The following FHIT variants were observed in gnomAD, a reference collection of about 807,000 sequenced individuals.
FHIT encodes the protein fragile histidine triad diadenosine triphosphatase.
FHIT carries 19 observed loss-of-function variants against 17.9 expected under a neutral mutation model. The observed-to-expected ratio is 1.06, with a 90% CI of 0.74 to 1.56. The LOEUF (loss-of-function observed/expected upper bound fraction) is 1.56, where lower values mean the gene tolerates loss of function less well. Ranked by LOEUF, FHIT falls within the 40% of genes most tolerant of loss-of-function variation. The pLI is 0.00. For synonymous variants in FHIT, 81 were observed against 69.7 expected (o/e 1.16, Z -0.81); for missense variants, 248 against 189.2 (o/e 1.31, Z -1.82).
At chr3:60,138,344 T>C (rs1014436611) in intron 5 of FHIT, among the ~76,000 whole-genome samples, 1 of 152,180 alleles carries the variant, frequency 6.6e-6, no homozygotes. Flanking sequence ...TGAGAAATGA[T>C]GGGCTAGGAA....
intron 8 of FHIT, among the ~76,000 whole-genome samples, chr3:59,825,926 C>T (rs1289772140): frequency 6.6e-6 from 1 of 152,152 alleles, no homozygotes; most frequent in Non-Finnish European, 1.5e-5. Flanking sequence ...TCCATCTATG[C>T]ATTTATCCAT....
chr3:60,356,494 G>A (rs113425938), intron 5 of FHIT, among the ~76,000 whole-genome samples: 1 of 152,122 alleles, frequency 6.6e-6, no homozygotes, highest in Non-Finnish European at 1.5e-5. Context: ...ACAGTAAAAT[G>A]TAAGACTAGT....
chr3:60,526,607 T>C (rs748954015), intron 5 of FHIT, among the ~76,000 whole-genome samples: 11 of 152,196 alleles, frequency 7.2e-5, no homozygotes, highest in Admixed American at 4.6e-4. Context: ...GCTCTGCTAC[T>C]ACAGGCCTCT....
intron 1 of FHIT, among the ~76,000 whole-genome samples, chr3:61,246,133 T>C (rs1228852988): frequency 1.3e-5 from 2 of 152,230 alleles, no homozygotes; most frequent in Non-Finnish European, 2.9e-5. Flanking sequence ...AGTTACCCTA[T>C]ATGGTCTAAA....
rs77879085 is a variant in FHIT, at chr3:60,888,238, C to T, written c.-110-66227G>A. Among the ~76,000 whole-genome samples the T allele has an allele frequency of 6.9e-3, 1,053 of 152,222 alleles. 7 individuals are homozygous for T. The highest frequency in any genetic ancestry group is 0.024 in the African/African-American group (1,017 of 41,534). On this transcript the variant is annotated intron_variant, in intron 3 of 9. Coordinates refer to ENST00000492590, the MANE Select transcript of FHIT (RefSeq NM_002012.4). ...TAACAGTTAAAATATGCTAAAGCAC[C>T]GCATTTTCTCCAACTCCATTCAATG...
chr3:60,909,961 C>T (rs1239553453), intron 3 of FHIT, among the ~76,000 whole-genome samples: 2 of 152,106 alleles, frequency 1.3e-5, no homozygotes, highest in African/African-American at 4.8e-5. Flanking sequence ...GTTTCATATA[C>T]CTAATTTAGA....
intron 5 of FHIT, among the ~76,000 whole-genome samples, chr3:60,218,596 C>T (rs1280968799): frequency 1.3e-5 from 2 of 152,040 alleles, no homozygotes; most frequent in Non-Finnish European, 1.5e-5. Flanking sequence ...ACAAACCTTT[C>T]GATCTTACAG....
intron 7 of FHIT, among the ~76,000 whole-genome samples, chr3:59,975,715 T>C (rs1181690854): frequency 6.6e-6 from 1 of 151,986 alleles, no homozygotes; most frequent in Non-Finnish European, 1.5e-5. Flanking sequence ...AAAAGACTCA[T>C]CCTGGAGAAC....
intron 5 of FHIT, among the ~76,000 whole-genome samples, chr3:60,408,817 T>C (rs113732992): frequency 5.3e-5 from 8 of 152,258 alleles, no homozygotes; most frequent in African/African-American, 1.9e-4. Flanking sequence ...GAAAGATCAA[T>C]TACCATAATC....
chr3:60,228,094 T>G (rs1295727829), intron 5 of FHIT, among the ~76,000 whole-genome samples: 1 of 152,168 alleles, frequency 6.6e-6, no homozygotes, highest in Non-Finnish European at 1.5e-5. Flanking sequence ...CAGACTGTCC[T>G]TCATAATGGC....
chr3:59,885,612 T>C lies in FHIT; in HGVS notation c.348+36734A>G, dbSNP rs567963783. Among the ~76,000 whole-genome samples the C allele has an allele frequency of 2.6e-5, 4 of 152,278 alleles. No individual in the cohort carries two copies. The South Asian group carries it at 6.2e-4, about 24-fold the overall frequency. On this transcript the variant is annotated intron_variant, in intron 8 of 9. Transcript: ENST00000492590. ...CTTTTCAAGAGCCAGCTTCACATCCTAACTGCATCATCCTTGCAAAGCTCT... is the reference window on the plus strand; with the variant it reads ...CTTTTCAAGAGCCAGCTTCACATCCCAACTGCATCATCCTTGCAAAGCTCT...
intron 4 of FHIT, among the ~76,000 whole-genome samples, chr3:60,555,716 T>G (rs2036717764): frequency 6.6e-6 from 1 of 152,158 alleles, no homozygotes; most frequent in Non-Finnish European, 1.5e-5. Flanking sequence ...AACTCTTAAT[T>G]ATTAGCTTAC....
chr3:59,918,274 C>T (rs1165029992), intron 8 of FHIT, among the ~76,000 whole-genome samples: 4 of 152,106 alleles, frequency 2.6e-5, no homozygotes, highest in Non-Finnish European at 5.9e-5. Context: ...CCACCCTAGG[C>T]CAGATTAGAT....
chr3:60,114,072 T>TATATAAAA (rs1292373651), intron 5 of FHIT, among the ~76,000 whole-genome samples: 1 of 82,342 alleles, frequency 1.2e-5, no homozygotes. Flanking sequence ...TATATATATA[T>TATATAAAA]AATGTTATAT....
rs1702222054 is a variant in FHIT at position 59,857,709 on chromosome 3, T to TTTTTG, written c.348+64636_348+64637insCAAAA. Among the ~76,000 whole-genome samples the TTTTTG allele has an allele frequency of 2.7e-5, 4 of 148,496 alleles. 1 individual carries two copies. Among genetic ancestry groups the TTTTTG allele is most frequent in the Non-Finnish European group, 4.5e-5 (3 of 67,286 alleles). On this transcript the variant is annotated intron_variant, in intron 8 of 9. Transcript: ENST00000492590. ...CTATGCTGTGCAAAGTGCTGGGTTTTTTTTTTTTTTTTTGTATCCTAAGGG... is the reference window on the plus strand; with the variant it reads ...CTATGCTGTGCAAAGTGCTGGGTTTTTTTTGTTTTTTTTTTTTTGTATCCTAAGGG...
At chr3:60,274,811 G>GCA (rs1367391024) in intron 5 of FHIT, among the ~76,000 whole-genome samples, 3 of 152,098 alleles carry the variant, frequency 2.0e-5, no homozygotes, top group Admixed American at 1.3e-4. Flanking sequence ...GACCTTCCCA[G>GCA]CACAGCCTAT....
In FHIT at chr3:60,209,461, T is replaced by C. The variant is rs748056178; in HGVS notation, c.104-195309A>G. Among the ~76,000 whole-genome samples the C allele has an allele frequency of 4.2e-4, 64 of 152,152 alleles. 1 individual carries two copies. Among genetic ancestry groups the C allele is most frequent in the Non-Finnish European group, 2.9e-4 (20 of 68,042 alleles). On this transcript the variant is annotated intron_variant, in intron 5 of 9. Transcript: ENST00000492590. Reference sequence around the variant, plus strand: ...TGTGATACTCCTCTCAATCTCTTCCTCTCACCATCTCACCATCTTTCTTAC... The same window carrying C: ...TGTGATACTCCTCTCAATCTCTTCCCCTCACCATCTCACCATCTTTCTTAC...
intron 2 of FHIT, among the ~76,000 whole-genome samples, chr3:61,135,584 C>CACACACACACACAT (rs1207631375): frequency 8.7e-5 from 3 of 34,316 alleles, no homozygotes; most frequent in Non-Finnish European, 1.3e-4. Context: ...TGTGTTCGAA[C>CACACACACACACAT]ACACACACAC....
chr3:60,250,770 A>T (rs1705665786), intron 5 of FHIT, among the ~76,000 whole-genome samples: 1 of 152,188 alleles, frequency 6.6e-6, no homozygotes, highest in African/African-American at 2.4e-5. Context: ...TAGAAGAAGA[A>T]TTAAAAAAAA....
Sources: allele counts gnomAD v4.1 joint callset (sites outside exome capture counted in the v4.1 genomes callset), GRCh38; gene constraint gnomAD v4.1.1; transcripts MANE v1.5; gene names NCBI Gene and HGNC (gene_info 2026-07-23, HGNC 2026-07-21).